DTNB: variants seen among roughly 807,000 people sequenced by gnomAD.
DTNB encodes the protein dystrobrevin beta, also known as DTN-B.
In DTNB, 63 loss-of-function variants were observed where a neutral mutation model predicts 90.7. That is an observed-to-expected ratio of 0.69 (90% CI 0.57 to 0.86). DTNB has a LOEUF of 0.86. Among genes scored for constraint, DTNB ranks in the 40% least tolerant of loss-of-function variants. The pLI, the probability that DTNB is intolerant of heterozygous loss-of-function variation, is 0.00. For missense variants in DTNB, 744 were observed against 807.1 expected (o/e 0.92, Z 0.95); for synonymous variants, 277 against 286.7 (o/e 0.97, Z 0.34).
chr2:25,454,609 G>A (rs1044245170), intron 11 of DTNB, among the ~76,000 whole-genome samples: 1 of 152,302 alleles, frequency 6.6e-6, no homozygotes, highest in East Asian at 1.9e-4. Flanking sequence ...TGGGCATGGA[G>A]TGAGCAGGAG....
At chr2:25,510,047 G>A (rs954768930) in intron 9 of DTNB, among the ~76,000 whole-genome samples, 12 of 151,694 alleles carry the variant, frequency 7.9e-5, no homozygotes, top group South Asian at 4.2e-4. Flanking sequence ...CACCATGCCC[G>A]GCCTAGATTC....
In DTNB at chr2:25,607,224, GA is replaced by G. The variant is rs1404051718; in HGVS notation, c.448+11del. ...GAAAATGGCATTTTTCAAATAATAT[GA>G]AAATACTTACATCTCAATTTGTCCA... is the stretch of plus-strand genomic sequence containing the variant. On this transcript the variant is annotated intron_variant, in intron 5 of 20. Coordinates refer to ENST00000406818, the MANE Select transcript of DTNB (RefSeq NM_021907.5). The G allele has an allele frequency of 6.3e-7, 1 of 1,579,524 alleles. No individual in the cohort carries two copies.
chr2:25,533,665 A>C (rs2078714558), intron 8 of DTNB, among the ~76,000 whole-genome samples: 1 of 152,250 alleles, frequency 6.6e-6, no homozygotes. Context: ...TTAAGTGATA[A>C]GCTGCTCACA....
intron 3 of DTNB, among the ~76,000 whole-genome samples, chr2:25,633,283 C>G (rs963244887): frequency 6.6e-6 from 1 of 152,128 alleles, no homozygotes; most frequent in Non-Finnish European, 1.5e-5. Flanking sequence ...CCTGCCTCAG[C>G]CTGCCCAGCG....
At chr2:25,573,242 G>C (rs1289404328) in intron 8 of DTNB, among the ~76,000 whole-genome samples, 2 of 152,254 alleles carry the variant, frequency 1.3e-5, no homozygotes, top group Admixed American at 6.5e-5. Context: ...CACCATGCCC[G>C]GCCCACTTGG....
rs1210186107 is a variant in DTNB at position 25,379,341 on chromosome 2, G to C, written c.1880-18C>G. 2 of 1,313,920 alleles carry C rather than the reference G, an allele frequency of 1.5e-6. No individual in the cohort carries two copies. The allele number at this position is 1,313,920 out of a possible 1,614,324, so 81.4% of individuals were successfully genotyped here. ...CTGCTAACCTGTGGCAGCATGGGCAGAAACAACACACTGAGGTCACGGCCA... is the reference window on the plus strand; with the variant it reads ...CTGCTAACCTGTGGCAGCATGGGCACAAACAACACACTGAGGTCACGGCCA... On this transcript the variant is annotated intron_variant, in intron 19 of 20. Coordinates refer to ENST00000406818, the MANE Select transcript of DTNB (RefSeq NM_021907.5).
intron 8 of DTNB, among the ~76,000 whole-genome samples, chr2:25,564,740 T>G (rs2058764247): frequency 6.6e-6 from 1 of 152,212 alleles, no homozygotes; most frequent in South Asian, 2.1e-4. Flanking sequence ...TAGTACTTCT[T>G]TGATTAAATA....
intron 9 of DTNB, among the ~76,000 whole-genome samples, chr2:25,492,517 C>T (rs992447217): frequency 6.6e-6 from 1 of 152,160 alleles, no homozygotes; most frequent in Non-Finnish European, 1.5e-5. Flanking sequence ...TGTGAAAGTA[C>T]AGTACTGATG....
chr2:25,419,420 T>C, intron 16 of DTNB, 95 bp downstream of exon 16: 1 of 1,531,856 alleles, frequency 6.5e-7, no homozygotes, highest in South Asian at 1.2e-5. Flanking sequence ...TCTTCAGAGA[T>C]GATGTGCGGG....
chr2:25,485,487 T>C (rs2150407849), intron 9 of DTNB, among the ~76,000 whole-genome samples: 1 of 152,226 alleles, frequency 6.6e-6, no homozygotes, highest in East Asian at 1.9e-4. Flanking sequence ...TATCTCTTGG[T>C]ATATATCATG....
intron 1 of DTNB, among the ~76,000 whole-genome samples, chr2:25,672,578 C>A (rs1231385183): frequency 6.6e-6 from 1 of 152,134 alleles, no homozygotes; most frequent in Non-Finnish European, 1.5e-5. Context: ...GCTTTATCCC[C>A]AAAACCACGC....
chr2:25,598,152 T>C (rs185273908), intron 5 of DTNB, among the ~76,000 whole-genome samples: 1 of 152,258 alleles, frequency 6.6e-6, no homozygotes, highest in East Asian at 1.9e-4. Context: ...GAAGACTAGG[T>C]AAACAAACCT....
At chr2:25,476,793 C>G (rs1021434226) in intron 10 of DTNB, among the ~76,000 whole-genome samples, 1 of 152,336 alleles carries the variant, frequency 6.6e-6, no homozygotes, top group East Asian at 1.9e-4. Flanking sequence ...GGTTAAGATG[C>G]TGTGAACATC....
intron 9 of DTNB, among the ~76,000 whole-genome samples, chr2:25,515,499 G>A (rs1415027159): frequency 6.6e-6 from 1 of 152,186 alleles, no homozygotes; most frequent in Non-Finnish European, 1.5e-5. Context: ...TTTTGACAAA[G>A]ATGGCAAGAC....
intron 10 of DTNB, among the ~76,000 whole-genome samples, chr2:25,469,254 TG>T (rs1417865430): frequency 6.6e-5 from 10 of 151,904 alleles, no homozygotes; most frequent in Non-Finnish European, 4.4e-5. Context: ...GTTGGCTAGG[TG>T]AAGATGTTGG....
chr2:25,597,774 C>T (rs906384392), intron 5 of DTNB, among the ~76,000 whole-genome samples: 14 of 152,130 alleles, frequency 9.2e-5, no homozygotes, highest in African/African-American at 2.4e-4. Context: ...CAAGTGCAAG[C>T]GCTCTGTTAG....
chr2:25,611,367 C>T (rs1252727502), intron 4 of DTNB, among the ~76,000 whole-genome samples: 1 of 152,128 alleles, frequency 6.6e-6, no homozygotes, highest in Non-Finnish European at 1.5e-5. Context: ...AAAAAAGCTG[C>T]TTGTGGGTAA....
chr2:25,452,309 C>A (rs919530212), intron 11 of DTNB, among the ~76,000 whole-genome samples: 1 of 152,208 alleles, frequency 6.6e-6, no homozygotes, highest in African/African-American at 2.4e-5. Flanking sequence ...GGGAAGGGTT[C>A]TTGAGTAATA....
intron 10 of DTNB, among the ~76,000 whole-genome samples, chr2:25,458,710 TCTCTGTTCACTGCAAG>T (rs1253999008): frequency 4.6e-5 from 7 of 152,146 alleles, no homozygotes; most frequent in African/African-American, 1.7e-4. Flanking sequence ...AGTGGTGCAA[TCTCTGTTCACTGCAAG>T]CTCTACCTCC....
Sources: allele counts gnomAD v4.1 joint callset (sites outside exome capture counted in the v4.1 genomes callset), GRCh38; gene constraint gnomAD v4.1.1; transcripts MANE v1.5; gene names NCBI Gene and HGNC (gene_info 2026-07-23, HGNC 2026-07-21).